Variants in LRP1B observed in about 807,000 individuals in gnomAD.
LRP1B encodes the protein low-density lipoprotein receptor-related protein 1B.
A neutral mutation model predicts 556.6 loss-of-function variants in LRP1B; 217 were observed. That is an observed-to-expected ratio of 0.39 (90% CI 0.35 to 0.44). The LOEUF (loss-of-function observed/expected upper bound fraction) is 0.44, where lower values mean the gene tolerates loss of function less well. Among genes scored for constraint, LRP1B ranks in the 20% least tolerant of loss-of-function variants. LRP1B has a pLI of 1.00. For synonymous variants in LRP1B, 2,047 were observed against 1,865.8 expected (o/e 1.10, Z -2.50); for missense variants, 5,053 against 5,620.8 (o/e 0.90, Z 3.23).
At chr2:141,853,864 G>T (rs192863499) in intron 1 of LRP1B, among the ~76,000 whole-genome samples, 10 of 152,060 alleles carry the variant, frequency 6.6e-5, no homozygotes, top group African/African-American at 2.2e-4. Flanking sequence ...GCACATTTAT[G>T]TGGCTCAAGT....
chr2:140,837,263 G>C (rs1691938233), intron 31 of LRP1B, among the ~76,000 whole-genome samples: 1 of 152,162 alleles, frequency 6.6e-6, no homozygotes, highest in African/African-American at 2.4e-5. Flanking sequence ...ACAGTAACTT[G>C]CTCAAGGGCA....
chr2:141,176,731 TGAATC>T (rs1680755065), intron 7 of LRP1B, among the ~76,000 whole-genome samples: 1 of 151,554 alleles, frequency 6.6e-6, no homozygotes, highest in African/African-American at 2.4e-5. Context: ...AAAAAAAAAA[TGAATC>T]TAATAAAAAT....
chr2:141,232,508 G>C (rs903548466), intron 5 of LRP1B, among the ~76,000 whole-genome samples: 1 of 152,182 alleles, frequency 6.6e-6, no homozygotes, highest in Non-Finnish European at 1.5e-5. Context: ...AGAGAGGCCG[G>C]AATATAAAGG....
intron 43 of LRP1B, among the ~76,000 whole-genome samples, chr2:140,548,050 A>T (rs566643388): frequency 1.5e-4 from 23 of 152,226 alleles, no homozygotes; most frequent in African/African-American, 5.5e-4. Context: ...ACAAAAATTA[A>T]TGCATATAAT....
At chr2:140,789,360 C>A (rs1690025794) in intron 32 of LRP1B, among the ~76,000 whole-genome samples, 1 of 152,166 alleles carries the variant, frequency 6.6e-6, no homozygotes, top group Non-Finnish European at 1.5e-5. Context: ...ATCATAGTCT[C>A]TCCCATGAAC....
intron 83 of LRP1B, among the ~76,000 whole-genome samples, chr2:140,301,912 C>CAT (rs980032425): frequency 1.3e-5 from 2 of 151,546 alleles, no homozygotes; most frequent in African/African-American, 2.4e-5. Context: ...TACACATATA[C>CAT]ATATATATAC....
chr2:141,371,501 C>T (rs1304916200), intron 3 of LRP1B, among the ~76,000 whole-genome samples: 2 of 152,136 alleles, frequency 1.3e-5, no homozygotes, highest in Non-Finnish European at 2.9e-5. Flanking sequence ...TCTTCCAATC[C>T]ATGACCACGG....
At chr2:142,027,432 T>G (rs1344296147) in intron 1 of LRP1B, among the ~76,000 whole-genome samples, 1 of 151,730 alleles carries the variant, frequency 6.6e-6, no homozygotes, top group South Asian at 2.1e-4. Flanking sequence ...ATAAATATGG[T>G]AATTGGACAG....
chr2:141,761,225 A>C (rs184523475), intron 2 of LRP1B, among the ~76,000 whole-genome samples: 11 of 152,206 alleles, frequency 7.2e-5, no homozygotes, highest in Admixed American at 6.5e-4. Context: ...CTGAGTGAAA[A>C]CTATTTTTTT....
Position 140,239,480 on chromosome 2 carries a change from G to T in LRP1B, c.13377C>A (p.Thr4459=). The change falls in exon 88 of 91, where the codon ACC becomes ACA. Residue 4459 remains threonine, a synonymous_variant. Coordinates refer to ENST00000389484, the MANE Select transcript of LRP1B (RefSeq NM_018557.3). The part of the protein sequence containing the change: ...PLVLLVTLIT[T]LVIGLVLCKR... ...TACAAAGCACTAAACCAATTACTAA[G>T]GTGGTTATCAAAGTCACCAAGAGGA... 2 of 1,604,128 alleles carry T rather than the reference G, an allele frequency of 1.2e-6. No individual in the cohort carries two copies. The highest frequency in any genetic ancestry group is 1.3e-5 in the African/African-American group (1 of 74,302).
At chr2:140,511,581 G>A (rs898653477) in intron 51 of LRP1B, among the ~76,000 whole-genome samples, 5 of 152,128 alleles carry the variant, frequency 3.3e-5, no homozygotes, top group East Asian at 1.9e-4. Context: ...GGTTACAGGC[G>A]TGAGCCACCG....
Position 140,285,400 on chromosome 2 carries a change from CAGAGAG to C in LRP1B, c.12968-10808_12968-10803del, listed in dbSNP as rs140170642. Among the ~76,000 whole-genome samples the C allele has an allele frequency of 2.9e-3, 443 of 150,352 alleles. 2 individuals are homozygous for C. Among genetic ancestry groups the C allele is most frequent in the African/African-American group, 0.011 (435 of 41,050 alleles). On this transcript the variant is annotated intron_variant, in intron 84 of 90. Coordinates refer to ENST00000389484, the MANE Select transcript of LRP1B (RefSeq NM_018557.3). ...ATACACACATATATATATATACACA[CAGAGAG>C]AGAGATATTTCTACACTGGTGTGAT...
intron 43 of LRP1B, among the ~76,000 whole-genome samples, chr2:140,553,422 AACACACACAC>A (rs61540618): frequency 6.7e-6 from 1 of 148,202 alleles, no homozygotes; most frequent in Non-Finnish European, 1.5e-5. Context: ...TTGTGCTCTT[AACACACACAC>A]ACACACACAC....
intron 1 of LRP1B, among the ~76,000 whole-genome samples, chr2:142,122,536 T>TCCTGAACTGCTA (rs976859327): frequency 6.6e-6 from 1 of 152,128 alleles, no homozygotes; most frequent in African/African-American, 2.4e-5. Context: ...AATATAGTGC[T>TCCTGAACTGCTA]CCTGAACTGC....
At chr2:141,694,462 A>G (rs955022677) in intron 2 of LRP1B, among the ~76,000 whole-genome samples, 1 of 152,038 alleles carries the variant, frequency 6.6e-6, no homozygotes, top group African/African-American at 2.4e-5. Context: ...TTGTGTACCA[A>G]TAATTTACTC....
chr2:141,761,950 G>A (rs910685331), intron 2 of LRP1B, among the ~76,000 whole-genome samples: 1 of 152,098 alleles, frequency 6.6e-6, no homozygotes, highest in Non-Finnish European at 1.5e-5. Flanking sequence ...TACACAGACT[G>A]GAAATCATGG....
chr2:140,868,189 T>G lies in LRP1B; in HGVS notation c.4244A>C (p.Lys1415Thr). ...AGTTTTCATGTCTTTATAGATGGTT[T>G]TTCTCCCAGCACCACTCATAGAGGC... ...ESASMSGAGR[K>T]TIYKDMKTGA... The change falls in exon 26 of 91, where the codon AAA (lysine) becomes ACA (threonine). Residue 1415 changes from lysine (K) to threonine (T), a missense_variant. Coordinates refer to ENST00000389484, the MANE Select transcript of LRP1B (RefSeq NM_018557.3). 1 of 1,611,668 alleles carries G rather than the reference T, an allele frequency of 6.2e-7. No homozygotes were observed. Among genetic ancestry groups the G allele is most frequent in the South Asian group, 1.1e-5 (1 of 90,884 alleles).
chr2:141,851,517 G>A lies in LRP1B; in HGVS notation c.83-41116C>T, dbSNP rs989521189. Among the ~76,000 whole-genome samples the A allele has an allele frequency of 2.6e-5, 4 of 151,930 alleles. No homozygotes were observed. The South Asian group carries it at 8.3e-4, about 32-fold the overall frequency. ...GATAGCTGTGTGAAAATTTGCCAGTGTGAAAAATCGAAACACAGCTTGGAA... is the reference window on the plus strand; with the variant it reads ...GATAGCTGTGTGAAAATTTGCCAGTATGAAAAATCGAAACACAGCTTGGAA... On this transcript the variant is annotated intron_variant, in intron 1 of 90. Coordinates refer to ENST00000389484, the MANE Select transcript of LRP1B (RefSeq NM_018557.3).
intron 1 of LRP1B, among the ~76,000 whole-genome samples, chr2:142,110,578 T>G (rs1001628): frequency 0.18 from 26,801 of 152,096 alleles, 2,579 homozygotes; most frequent in African/African-American, 0.24. Flanking sequence ...ATAAATTACA[T>G]TTTGAATGAC....
Sources: gnomAD v4.1 joint callset for allele counts (sites outside exome capture counted in the v4.1 genomes callset) on GRCh38, gnomAD v4.1.1 for gene constraint, MANE v1.5 for transcripts, NCBI Gene and HGNC (gene_info 2026-07-23, HGNC 2026-07-21) for gene names.